IAH1: variants seen among roughly 807,000 people sequenced by gnomAD.
IAH1 encodes the protein isoamyl acetate hydrolyzing esterase 1 (putative), also known as isoamyl acetate-hydrolyzing esterase 1 homolog.
A neutral mutation model predicts 26.7 loss-of-function variants in IAH1; 24 were observed. The ratio of observed to expected loss-of-function variants is 0.90; its 90% CI spans 0.65 to 1.26. The LOEUF (loss-of-function observed/expected upper bound fraction) is 1.26, where lower values mean the gene tolerates loss of function less well. Among genes scored for constraint, IAH1 ranks in the 50% most tolerant of loss-of-function variants. The pLI, the probability that IAH1 is intolerant of heterozygous loss-of-function variation, is 0.00. For missense variants in IAH1, 300 were observed against 299.9 expected (o/e 1.00, Z 0.00); for synonymous variants, 140 against 118.5 (o/e 1.18, Z -1.18).
the IAH1 span, chr2:9,505,503 CCA>C: frequency 4.9e-6 from 4 of 812,438 alleles, no homozygotes; most frequent in Admixed American, 4.6e-5. Flanking sequence ...GGCAAGGCCA[CCA>C]CAGTCTCCTC....
At chr2:9,498,547 C>T (rs1390697416), downstream of IAH1, among the ~76,000 whole-genome samples, 2 of 152,206 alleles carry the variant, frequency 1.3e-5, no homozygotes, top group Non-Finnish European at 2.9e-5. Flanking sequence ...AGAATTCTGA[C>T]TTAGAGGGTT....
upstream of IAH1, among the ~76,000 whole-genome samples, chr2:9,474,241 C>T (rs1451718312): frequency 6.6e-6 from 1 of 152,128 alleles, no homozygotes; most frequent in African/African-American, 2.4e-5. The surrounding 1 kb of genome is among the most constrained non-coding windows in gnomAD (Gnocchi z 4.3). Context: ...TCCCGCCGCG[C>T]GTCCTGAGGT....
chr2:9,506,359 G>GTT, the IAH1 span, among the ~76,000 whole-genome samples: 235 of 73,230 alleles, frequency 3.2e-3, 12 homozygotes, highest in African/African-American at 6.7e-3. Flanking sequence ...CTTCAAATCT[G>GTT]TTTTTTTTTT....
intron 5 of IAH1, chr2:9,486,642 A>C (rs1661499764): frequency 6.6e-6 from 1 of 152,146 alleles, no homozygotes. Flanking sequence ...AGCCTGGCCA[A>C]CATGTTGAAA....
rs184660941 is a variant in IAH1 at position 9,489,590 on chromosome 2, T to C, written c.*1261T>C. On this transcript the variant is annotated 3_prime_UTR_variant, in exon 6 of 6. Coordinates refer to ENST00000497473, the MANE Select transcript of IAH1 (RefSeq NM_001039613.3). ...TTAGTCTTAGAATTATGAAGAGCCATATTAACCCAAATGATTTCTAAATTT... is the reference window on the plus strand; with the variant it reads ...TTAGTCTTAGAATTATGAAGAGCCACATTAACCCAAATGATTTCTAAATTT... The C allele has an allele frequency of 6.6e-6, 1 of 152,548 alleles. No homozygotes were observed. The highest frequency in any genetic ancestry group is 2.4e-5 in the African/African-American group (1 of 41,470). The allele number at this position is 152,548 out of a possible 1,614,324, so 9.4% of individuals were successfully genotyped here.
downstream of IAH1, chr2:9,490,359 C>T (rs780815372): frequency 1.9e-6 from 3 of 1,614,140 alleles, no homozygotes; most frequent in Non-Finnish European, 2.5e-6. Context: ...GTGCTGGGGT[C>T]TTCCTGGATG....
intron 2 of IAH1, among the ~76,000 whole-genome samples, chr2:9,476,317 T>A (rs1371726321): frequency 6.6e-6 from 1 of 152,246 alleles, no homozygotes; most frequent in Non-Finnish European, 1.5e-5. Context: ...CAGATCCAAG[T>A]CCAGCTGCTA....
downstream of IAH1, among the ~76,000 whole-genome samples, chr2:9,499,110 CTT>C: frequency 7.2e-6 from 1 of 138,726 alleles, no homozygotes; most frequent in Non-Finnish European, 1.5e-5. Context: ...TTTCTTTCTT[CTT>C]CTTTTTTTTT....
downstream of IAH1, chr2:9,491,149 A>G (rs1662109345): frequency 6.2e-7 from 1 of 1,612,646 alleles, no homozygotes; most frequent in South Asian, 1.1e-5. Context: ...CCAATTTCTT[A>G]TCCTAGAAAG....
At chr2:9,505,896 A>G in the IAH1 span, among the ~76,000 whole-genome samples, 34 of 152,238 alleles carry the variant, frequency 2.2e-4, no homozygotes, top group Non-Finnish European at 1.3e-4. Flanking sequence ...AGTAATAGGC[A>G]TAATAGTACA....
chr2:9,494,113 C>A (rs762941145), downstream of IAH1, among the ~76,000 whole-genome samples: 1 of 152,162 alleles, frequency 6.6e-6, no homozygotes, highest in African/African-American at 2.4e-5. Context: ...AAGGACTCTA[C>A]ACATACACAG....
At chr2:9,487,710 T>G (rs372872532) in intron 5 of IAH1, among the ~76,000 whole-genome samples, 128 of 152,278 alleles carry the variant, frequency 8.4e-4, no homozygotes, top group African/African-American at 2.9e-3. Context: ...GCTGGTGATA[T>G]TTCTGTCGCA....
intron 5 of IAH1, among the ~76,000 whole-genome samples, chr2:9,487,788 TTG>T (rs70948823): frequency 0.069 from 9,165 of 133,664 alleles, 323 homozygotes; most frequent in East Asian, 0.12. Context: ...CCCGGCCTTT[TTG>T]TGTGTGTGTG....
downstream of IAH1, chr2:9,492,940 G>A: frequency 6.2e-7 from 1 of 1,612,988 alleles, no homozygotes; most frequent in Non-Finnish European, 8.5e-7. Flanking sequence ...AAAATATCAA[G>A]GAGAAAACCA....
Position 9,481,392 on chromosome 2 carries a change from C to T in IAH1, c.390C>T (p.Leu130=). The change falls in exon 4 of 6, where the codon CTC becomes CTT. Residue 130 remains leucine, a synonymous_variant. Transcript: ENST00000497473. ...SVDIPENRVI[L]ITPTPLCETA... ...ACATCCCTGAGAATCGAGTCATTCT[C>T]ATCACGCCGACCCCACTTTGTGAAA... 4 of 1,614,180 alleles carry T rather than the reference C, an allele frequency of 2.5e-6. No individual in the cohort carries two copies. The highest frequency in any genetic ancestry group is 3.4e-6 in the Non-Finnish European group (4 of 1,180,032).
Position 9,474,671 on chromosome 2 carries a change from C to T in IAH1, c.81+24C>T, listed in dbSNP as rs745696507. Reference sequence around the variant, plus strand: ...AGGTACGGCCGCCCCGACGCTCGGCCTCCCGCCCCGGCCTCCCTGCGGGGT... The same window carrying T: ...AGGTACGGCCGCCCCGACGCTCGGCTTCCCGCCCCGGCCTCCCTGCGGGGT... On this transcript the variant is annotated intron_variant, in intron 1 of 5. Coordinates refer to ENST00000497473, the MANE Select transcript of IAH1 (RefSeq NM_001039613.3). The surrounding 1 kb of genome is among the most constrained non-coding windows in gnomAD (Gnocchi z 4.3). 1 of 1,514,682 alleles carries T rather than the reference C, an allele frequency of 6.6e-7. No individual in the cohort carries two copies. The highest frequency in any genetic ancestry group is 2.7e-5 in the East Asian group (1 of 37,442). 93.8% of individuals were successfully genotyped at this position (1,514,682 alleles called of 1,614,324 possible).
At chr2:9,475,718 C>T in intron 1 of IAH1, 1 of 501,054 alleles carries the variant, frequency 2.0e-6, no homozygotes, top group Non-Finnish European at 3.6e-6. Flanking sequence ...CCAGGCTGGT[C>T]TCGAACTCGA....
intron 2 of IAH1, among the ~76,000 whole-genome samples, chr2:9,477,332 G>T (rs1294187973): frequency 6.6e-6 from 1 of 152,042 alleles, no homozygotes; most frequent in African/African-American, 2.4e-5. Flanking sequence ...GAACCATATT[G>T]ATTTACTAAT....
At chr2:9,499,631 T>C (rs989065482), downstream of IAH1, among the ~76,000 whole-genome samples, 1 of 152,172 alleles carries the variant, frequency 6.6e-6, no homozygotes, top group African/African-American at 2.4e-5. Context: ...CTCGATCTCC[T>C]GATCTCGTGA....
Sources: gnomAD v4.1 joint callset for allele counts (sites outside exome capture counted in the v4.1 genomes callset) on GRCh38, gnomAD v4.1.1 for gene constraint, Gnocchi (gnomAD v3.1) non-coding constraint, MANE v1.5 for transcripts, NCBI Gene and HGNC (gene_info 2026-07-23, HGNC 2026-07-21) for gene names.